Variants in DOCK4 observed in about 807,000 individuals in gnomAD.
DOCK4 encodes dedicator of cytokinesis 4.
DOCK4 carries 97 observed loss-of-function variants against 268.1 expected under a neutral mutation model. That is an observed-to-expected ratio of 0.36 (90% confidence interval 0.31 to 0.43). DOCK4 has a LOEUF of 0.43. Among genes scored for constraint, DOCK4 ranks in the 20% least tolerant of loss-of-function variants. The pLI is 1.00. For synonymous variants in DOCK4, 954 were observed against 887.2 expected (o/e 1.08, Z -1.34); for missense variants, 2,145 against 2,455.7 (o/e 0.87, Z 2.67).
chr7:111,831,435 C>T (rs2134011404), intron 26 of DOCK4, among the ~76,000 whole-genome samples: 1 of 152,200 alleles, frequency 6.6e-6, no homozygotes, highest in East Asian at 1.9e-4. Flanking sequence ...TTACAGGGTT[C>T]TGCCTCTCAT....
Position 111,944,802 on chromosome 7 carries a change from T to C in DOCK4, c.844+9A>G. The C allele has an allele frequency of 6.2e-7, 1 of 1,613,564 alleles. No homozygotes were observed. The highest frequency in any genetic ancestry group is 1.1e-5 in the South Asian group (1 of 91,064). On this transcript the variant is annotated intron_variant, in intron 10 of 52. Coordinates refer to ENST00000428084, the MANE Select transcript of DOCK4 (RefSeq NM_001363540.2). ...TTGCCCCTACTGCACTGACAAGTGT[T>C]ATACCTACCGATTCGGATAATGTGC...
At chr7:112,006,516 T>C (rs543015844) in intron 1 of DOCK4, among the ~76,000 whole-genome samples, 1 of 152,358 alleles carries the variant, frequency 6.6e-6, no homozygotes, top group South Asian at 2.1e-4. Context: ...AAACGGTCTA[T>C]GTGGGTGAAT....
intron 39 of DOCK4, among the ~76,000 whole-genome samples, chr7:111,763,144 A>ATTATC (rs1797561732): frequency 6.6e-6 from 1 of 151,998 alleles, no homozygotes; most frequent in Non-Finnish European, 1.5e-5. Context: ...AGTGCTAAAA[A>ATTATC]TTATCTTGGA....
chr7:112,000,818 A>G (rs942579666), intron 2 of DOCK4, among the ~76,000 whole-genome samples: 1 of 152,230 alleles, frequency 6.6e-6, no homozygotes, highest in Non-Finnish European at 1.5e-5. Flanking sequence ...TTGGGCTTCA[A>G]TTCTGGCTTT....
chr7:112,194,138 A>C (rs1217133730), intron 1 of DOCK4, among the ~76,000 whole-genome samples: 1 of 152,182 alleles, frequency 6.6e-6, no homozygotes, highest in Non-Finnish European at 1.5e-5. Context: ...ACCCATAAAT[A>C]AGCAATTATT....
chr7:111,797,650 T>C (rs1373035991), intron 30 of DOCK4, among the ~76,000 whole-genome samples: 1 of 152,146 alleles, frequency 6.6e-6, no homozygotes, highest in Non-Finnish European at 1.5e-5. Context: ...CAACTCTGAC[T>C]GAAACCCCAA....
chr7:111,751,441 A>T lies in DOCK4; in HGVS notation c.4417-3998T>A, dbSNP rs956499872. 1.0e-4 allele frequency among the ~76,000 whole-genome samples: 15 copies of T among 147,756 alleles called. 1 individual carries two copies. Among genetic ancestry groups the T allele is most frequent in the South Asian group, 4.3e-4 (2 of 4,654 alleles). ...TGGATTCGAATAATAGAGTAAAAATATTTTTTTTTTTTCTGTTTTGAGACA... is the reference window on the plus strand; with the variant it reads ...TGGATTCGAATAATAGAGTAAAAATTTTTTTTTTTTTTCTGTTTTGAGACA... On this transcript the variant is annotated intron_variant, in intron 42 of 52. Transcript: ENST00000428084.
At chr7:112,183,133 A>G (rs1354582242) in intron 1 of DOCK4, among the ~76,000 whole-genome samples, 1 of 152,236 alleles carries the variant, frequency 6.6e-6, no homozygotes, top group Non-Finnish European at 1.5e-5. Context: ...ATGTCCATAG[A>G]AAGAAGGGAA....
rs116522314 is a variant in DOCK4, at chr7:112,142,956, A to C, written c.37+63146T>G. ...CATTAGGTTGTACCTGGAAACAAAG[A>C]ACTTTGTACATGTGTCTTTTTATGA... On this transcript the variant is annotated intron_variant, in intron 1 of 52. Transcript: ENST00000428084. 3.0e-3 allele frequency among the ~76,000 whole-genome samples: 458 copies of C among 152,272 alleles called. 2 individuals carry two copies. Among genetic ancestry groups the C allele is most frequent in the African/African-American group, 0.01 (422 of 41,542 alleles).
At chr7:111,902,659 A>C (rs1291017074) in intron 13 of DOCK4, among the ~76,000 whole-genome samples, 1 of 151,664 alleles carries the variant, frequency 6.6e-6, no homozygotes, top group Non-Finnish European at 1.5e-5. Context: ...GCACAACTAG[A>C]AAGTTTTTAA....
chr7:112,086,391 T>C (rs1192762880), intron 1 of DOCK4, among the ~76,000 whole-genome samples: 3 of 152,130 alleles, frequency 2.0e-5, no homozygotes, highest in African/African-American at 7.2e-5. Flanking sequence ...CTATATTAAA[T>C]AGCTAAGTTT....
chr7:111,787,651 T>C (rs765018251), intron 32 of DOCK4, among the ~76,000 whole-genome samples: 27 of 152,188 alleles, frequency 1.8e-4, no homozygotes, highest in Non-Finnish European at 3.5e-4. Context: ...AGCCTATATA[T>C]TAATGTTTCT....
At chr7:111,922,693 T>C (rs1290263621) in intron 12 of DOCK4, among the ~76,000 whole-genome samples, 1 of 152,220 alleles carries the variant, frequency 6.6e-6, no homozygotes, top group Non-Finnish European at 1.5e-5. Context: ...GTGATTCTCC[T>C]GCTTCAGCCT....
chr7:111,746,812 ATCTTTTT>A (rs1421442200), intron 43 of DOCK4, among the ~76,000 whole-genome samples: 2 of 79,210 alleles, frequency 2.5e-5, no homozygotes, highest in African/African-American at 1.1e-4. Flanking sequence ...GATCGGTCTT[ATCTTTTT>A]TTTTTTTTTT....
intron 1 of DOCK4, among the ~76,000 whole-genome samples, chr7:112,125,697 T>C (rs1416220258): frequency 1.3e-5 from 2 of 152,258 alleles, no homozygotes; most frequent in Admixed American, 6.5e-5. Context: ...TAAGAGTATC[T>C]AGTCATAGAT....
chr7:111,752,417 A>C (rs886352853), intron 42 of DOCK4, among the ~76,000 whole-genome samples: 1 of 152,050 alleles, frequency 6.6e-6, no homozygotes, highest in Non-Finnish European at 1.5e-5. Context: ...GAGTGGTTAG[A>C]TTCTGGGTAT....
chr7:112,034,432 T>C (rs1214011240), intron 1 of DOCK4, among the ~76,000 whole-genome samples: 1 of 152,158 alleles, frequency 6.6e-6, no homozygotes, highest in Admixed American at 6.5e-5. Flanking sequence ...CTCACTTAAA[T>C]TCTCTAAACT....
chr7:111,984,473 T>A, intron 6 of DOCK4, 83 bp from the exon 7 acceptor site: 1 of 1,191,092 alleles, frequency 8.4e-7, no homozygotes, highest in Non-Finnish European at 1.2e-6. Flanking sequence ...ACTATATCAC[T>A]TGGAAATTAG....
chr7:112,168,665 A>C (rs1214597214), intron 1 of DOCK4, among the ~76,000 whole-genome samples: 2 of 152,174 alleles, frequency 1.3e-5, no homozygotes, highest in Non-Finnish European at 2.9e-5. Context: ...AGATGCCAAG[A>C]TCATGTCACT....
Sources: allele counts gnomAD v4.1 joint callset (sites outside exome capture counted in the v4.1 genomes callset), GRCh38; gene constraint gnomAD v4.1.1; transcripts MANE v1.5; gene names NCBI Gene and HGNC (gene_info 2026-07-23, HGNC 2026-07-21).